Variants in LNPEP observed in about 807,000 individuals in gnomAD.
LNPEP encodes leucyl and cystinyl aminopeptidase, also known as leucyl-cystinyl aminopeptidase.
A neutral mutation model predicts 120.6 loss-of-function variants in LNPEP; 64 were observed. The observed-to-expected ratio is 0.53, with a 90% CI of 0.43 to 0.65. LNPEP has a LOEUF of 0.65. LNPEP is among the 30% of genes least tolerant of loss of function. The pLI is 0.00. For synonymous variants in LNPEP, 435 were observed against 425.4 expected (o/e 1.02, Z -0.28); for missense variants, 1,057 against 1,200.0 (o/e 0.88, Z 1.76).
intron 1 of LNPEP, among the ~76,000 whole-genome samples, chr5:96,957,295 G>C (rs1490180639): frequency 6.6e-6 from 1 of 152,168 alleles, no homozygotes; most frequent in Admixed American, 6.5e-5. Context: ...CCTTAGTTCT[G>C]TTTCACCATC....
At chr5:97,019,506 C>T (rs1791140170) in intron 13 of LNPEP, among the ~76,000 whole-genome samples, 1 of 152,042 alleles carries the variant, frequency 6.6e-6, no homozygotes, top group Non-Finnish European at 1.5e-5. Flanking sequence ...ATTTGAAATA[C>T]ATTTAAACAA....
At chr5:96,985,443 TGGATAGGAAATGTGA>T (rs974529086) in intron 3 of LNPEP, among the ~76,000 whole-genome samples, 1 of 152,116 alleles carries the variant, frequency 6.6e-6, no homozygotes, top group Non-Finnish European at 1.5e-5. Context: ...TTGGAATGTG[TGGATAGGAAATGTGA>T]GTGTGCATTG....
At chr5:96,978,270 C>T (rs1355047086) in intron 1 of LNPEP, among the ~76,000 whole-genome samples, 5 of 151,876 alleles carry the variant, frequency 3.3e-5, no homozygotes, top group African/African-American at 9.7e-5. Flanking sequence ...TTTGGCAAAT[C>T]GGAAGGTGTG....
intron 11 of LNPEP, 142 bp from the exon 12 acceptor site, chr5:97,013,506 A>C: frequency 4.3e-6 from 2 of 464,724 alleles, no homozygotes; most frequent in Non-Finnish European, 7.6e-6. Flanking sequence ...TAACGTGAAA[A>C]TAACTGTACT....
At chr5:97,020,545 G>A (rs964197568) in intron 13 of LNPEP, among the ~76,000 whole-genome samples, 3 of 152,266 alleles carry the variant, frequency 2.0e-5, no homozygotes, top group South Asian at 2.1e-4. Context: ...GCTCACGCCC[G>A]TAATCCCAGC....
At chr5:96,978,623 G>A (rs1474999372) in intron 1 of LNPEP, among the ~76,000 whole-genome samples, 2 of 152,126 alleles carry the variant, frequency 1.3e-5, no homozygotes, top group Non-Finnish European at 2.9e-5. Flanking sequence ...GAGACTCAGG[G>A]ATGAGACCCA....
rs754866004 is a variant in LNPEP at position 96,993,833 on chromosome 5, T to A, written c.1269T>A (p.Pro423=). ...PLKKLDLVAI[P]DFEAGAMENW... is the part of the protein sequence containing the mutation. Reference sequence around the variant, plus strand: ...TATGTCCAGATTTGGTGGCTATTCCTGACTTTGAAGCAGGAGCAATGGAAA... The same window carrying A: ...TATGTCCAGATTTGGTGGCTATTCCAGACTTTGAAGCAGGAGCAATGGAAA... Residue 423 remains proline, a synonymous_variant, in exon 6 of 18, where the codon CCT becomes CCA. Transcript: ENST00000231368. The A allele has an allele frequency of 1.2e-5, 19 of 1,613,804 alleles. No homozygotes were observed. The highest frequency in any genetic ancestry group is 1.6e-5 in the Non-Finnish European group (19 of 1,179,738).
intron 8 of LNPEP, among the ~76,000 whole-genome samples, chr5:96,998,406 T>A (rs1790569540): frequency 6.6e-6 from 1 of 152,174 alleles, no homozygotes; most frequent in Admixed American, 6.6e-5. Flanking sequence ...TCTTTTAAAG[T>A]CAGTTTACTC....
intron 4 of LNPEP, among the ~76,000 whole-genome samples, chr5:96,988,037 C>G (rs1790282341): frequency 6.6e-6 from 1 of 152,258 alleles, no homozygotes; most frequent in East Asian, 1.9e-4. Flanking sequence ...TTAATTATCT[C>G]TTTTTTGTAG....
intron 1 of LNPEP, among the ~76,000 whole-genome samples, chr5:96,946,545 T>C (rs1165162403): frequency 6.6e-6 from 1 of 152,236 alleles, no homozygotes; most frequent in Non-Finnish European, 1.5e-5. Context: ...CGATAAAGAC[T>C]TGAAGAATTT....
At chr5:96,997,416 CTTAA>C (rs1238505792) in intron 7 of LNPEP, among the ~76,000 whole-genome samples, 3 of 152,018 alleles carry the variant, frequency 2.0e-5, no homozygotes, top group South Asian at 2.1e-4. Context: ...ATGTATACTA[CTTAA>C]TTAAGTAATG....
At chr5:96,983,580 G>T (rs566037750) in intron 2 of LNPEP, among the ~76,000 whole-genome samples, 1 of 152,106 alleles carries the variant, frequency 6.6e-6, no homozygotes, top group South Asian at 2.1e-4. Flanking sequence ...TGAGTAGCTG[G>T]GATTACAGGC....
chr5:97,015,899 C>T (rs1336739362), intron 13 of LNPEP, among the ~76,000 whole-genome samples: 1 of 151,928 alleles, frequency 6.6e-6, no homozygotes, highest in East Asian at 1.9e-4. Flanking sequence ...ATTTTTTTAA[C>T]ATTTTTTTTA....
chr5:97,002,290 C>T (rs1202660208), intron 8 of LNPEP, among the ~76,000 whole-genome samples: 6 of 152,008 alleles, frequency 3.9e-5, no homozygotes, highest in African/African-American at 1.4e-4. Context: ...AAAAACAGCA[C>T]GGTAACGAGT....
intron 12 of LNPEP, 92 bp downstream of exon 12, chr5:97,013,923 C>A: frequency 3.2e-6 from 3 of 926,210 alleles, no homozygotes; most frequent in Non-Finnish European, 3.2e-6. Flanking sequence ...AAAGAACTAG[C>A]ATGTATTGGT....
intron 1 of LNPEP, among the ~76,000 whole-genome samples, chr5:96,967,171 T>C (rs1417634329): frequency 6.6e-6 from 1 of 152,110 alleles, no homozygotes; most frequent in Non-Finnish European, 1.5e-5. Context: ...TGCCTTGATA[T>C]AAAAACACTA....
chr5:96,940,246 A>G (rs2112554338), intron 1 of LNPEP, among the ~76,000 whole-genome samples: 2 of 152,168 alleles, frequency 1.3e-5, no homozygotes, highest in Admixed American at 1.3e-4. Flanking sequence ...TATTTTAGAA[A>G]CTCTTATAAC....
intron 2 of LNPEP, among the ~76,000 whole-genome samples, chr5:96,981,137 T>C (rs1044733405): frequency 2.6e-5 from 4 of 152,146 alleles, no homozygotes; most frequent in African/African-American, 9.7e-5. Flanking sequence ...CCTTAATTAC[T>C]TTATCTACCA....
At chr5:97,023,317 G>A (rs1001062269) in intron 14 of LNPEP, among the ~76,000 whole-genome samples, 1 of 151,838 alleles carries the variant, frequency 6.6e-6, no homozygotes, top group Non-Finnish European at 1.5e-5. Flanking sequence ...GCAGTGGCGC[G>A]ATCTCAGCTC....
Sources: gnomAD v4.1 joint callset for allele counts (sites outside exome capture counted in the v4.1 genomes callset) on GRCh38, gnomAD v4.1.1 for gene constraint, MANE v1.5 for transcripts, NCBI Gene and HGNC (gene_info 2026-07-23, HGNC 2026-07-21) for gene names.